BNC2: variants seen among roughly 807,000 people sequenced by gnomAD.
BNC2 encodes the protein zinc finger protein basonuclin-2.
In BNC2, 20 loss-of-function variants were observed where a neutral mutation model predicts 76.3. That is an observed-to-expected ratio of 0.26 (90% CI 0.18 to 0.38). The LOEUF is 0.38. BNC2 is among the 10% of genes least tolerant of loss of function. The pLI, the probability that BNC2 is intolerant of heterozygous loss-of-function variation, is 1.00. For missense variants in BNC2, 1,382 were observed against 1,399.8 expected (o/e 0.99, Z 0.20); for synonymous variants, 582 against 514.8 (o/e 1.13, Z -1.77).
chr9:16,850,217 T>G (rs974742165), intron 1 of BNC2, among the ~76,000 whole-genome samples: 9 of 152,168 alleles, frequency 5.9e-5, no homozygotes, highest in African/African-American at 2.2e-4. Flanking sequence ...AAAAATTCAC[T>G]CTACAGTAGA....
chr9:16,410,610 T>A lies in BNC2; in HGVS notation c.*8379A>T, dbSNP rs1040356926. The A allele has an allele frequency of 6.6e-6, 1 of 152,628 alleles. No homozygotes were observed. Among genetic ancestry groups the A allele is most frequent in the African/African-American group, 2.4e-5 (1 of 41,458 alleles). The allele number at this position is 152,628 out of a possible 1,614,324, so 9.5% of individuals were successfully genotyped here. A position where few individuals can be genotyped will look rare whatever the true frequency, so the allele number is the denominator to read the frequency against. On this transcript the variant is annotated 3_prime_UTR_variant, in exon 7 of 7. Transcript: ENST00000380672. ...ATACTAGAACATCTCATTCACTTAA[T>A]TCACGTTATGCAAACCCTGGACAGG...
chr9:16,468,105 A>C (rs1821734402), intron 5 of BNC2, among the ~76,000 whole-genome samples: 1 of 148,346 alleles, frequency 6.7e-6, no homozygotes, highest in Admixed American at 6.8e-5. Flanking sequence ...CAGTGGCACC[A>C]ACATGGCTCA....
intron 3 of BNC2, among the ~76,000 whole-genome samples, chr9:16,655,179 G>A (rs1482701337): frequency 6.6e-6 from 1 of 151,520 alleles, no homozygotes; most frequent in Non-Finnish European, 1.5e-5. Flanking sequence ...GAAAAAACTG[G>A]GGGAGGGAAA....
At chr9:16,826,452 G>A (rs535818456) in intron 1 of BNC2, among the ~76,000 whole-genome samples, 4 of 152,114 alleles carry the variant, frequency 2.6e-5, no homozygotes, top group South Asian at 2.1e-4. Context: ...ACTGCCATAC[G>A]GAGGTCCACT....
chr9:16,719,416 G>A (rs1824082110), intron 3 of BNC2, among the ~76,000 whole-genome samples: 1 of 152,180 alleles, frequency 6.6e-6, no homozygotes, highest in Non-Finnish European at 1.5e-5. Context: ...TTTTAAGCCA[G>A]CTGAAAGCAA....
rs1338706500 is a variant in BNC2, at chr9:16,476,555, G to A, written c.670-39031C>T. Among the ~76,000 whole-genome samples the A allele has an allele frequency of 2.7e-5, 4 of 147,582 alleles. No individual in the cohort carries two copies. In the East Asian group the frequency reaches 7.9e-4, roughly 29 times the overall value. ...AACTTGCTTTTTAACCCGTGTGTGT[G>A]TGTTGTTTTTTTTAAAAAAAAAAAA... On this transcript the variant is annotated intron_variant, in intron 5 of 6. Transcript: ENST00000380672.
At chr9:16,719,711 A>G (rs975065800) in intron 3 of BNC2, among the ~76,000 whole-genome samples, 2 of 152,232 alleles carry the variant, frequency 1.3e-5, no homozygotes, top group African/African-American at 4.8e-5. Flanking sequence ...TATTAAATAC[A>G]AAACAAGAGT....
Position 16,862,382 on chromosome 9 carries a change from T to C in BNC2, c.3+8264A>G, listed in dbSNP as rs182556422. 9.8e-5 allele frequency among the ~76,000 whole-genome samples: 15 copies of C among 152,320 alleles called. No homozygotes were observed. The East Asian group carries it at 2.1e-3, about 22-fold the overall frequency. On this transcript the variant is annotated intron_variant, in intron 1 of 6. Coordinates refer to ENST00000380672, the MANE Select transcript of BNC2 (RefSeq NM_017637.6). The stretch of plus-strand genomic sequence containing the variant: ...ATAACAGCAAACTGCTATGATTATA[T>C]AGTGTTATATAAAATATGAAATGTA...
intron 5 of BNC2, among the ~76,000 whole-genome samples, chr9:16,456,963 T>A (rs1281667415): frequency 6.6e-6 from 1 of 152,184 alleles, no homozygotes; most frequent in Admixed American, 6.5e-5. Context: ...TTTCTAATTA[T>A]TCAATAGTAG....
At chr9:16,691,079 T>C (rs1019476464) in intron 3 of BNC2, among the ~76,000 whole-genome samples, 6 of 152,148 alleles carry the variant, frequency 3.9e-5, no homozygotes, top group African/African-American at 1.2e-4. Flanking sequence ...TACTGTGAAA[T>C]ATGGGATAAA....
At chr9:16,846,875 CCAATT>C (rs1818995530) in intron 1 of BNC2, among the ~76,000 whole-genome samples, 1 of 152,164 alleles carries the variant, frequency 6.6e-6, no homozygotes, top group Non-Finnish European at 1.5e-5. Flanking sequence ...CCATCAATTT[CCAATT>C]CACAGATGAA....
chr9:16,667,158 A>G (rs1309704709), intron 3 of BNC2, among the ~76,000 whole-genome samples: 2 of 152,042 alleles, frequency 1.3e-5, no homozygotes, highest in African/African-American at 2.4e-5. Flanking sequence ...ACTAGAATAC[A>G]TGTTTTGGTT....
chr9:16,866,045 A>T (rs529888749), intron 1 of BNC2, among the ~76,000 whole-genome samples: 1 of 152,266 alleles, frequency 6.6e-6, no homozygotes, highest in East Asian at 1.9e-4. Flanking sequence ...ATCTCACTGG[A>T]TTATATTATT....
At chr9:16,608,507 T>C (rs1032461837) in intron 3 of BNC2, among the ~76,000 whole-genome samples, 2 of 152,160 alleles carry the variant, frequency 1.3e-5, no homozygotes, top group African/African-American at 4.8e-5. Context: ...TAATCAATTT[T>C]TTAAATTTTG....
At chr9:16,684,083 G>T (rs1228588698) in intron 3 of BNC2, among the ~76,000 whole-genome samples, 1 of 151,930 alleles carries the variant, frequency 6.6e-6, no homozygotes, top group Non-Finnish European at 1.5e-5. Flanking sequence ...GTACTCAATA[G>T]GTTTTTTTTT....
chr9:16,694,491 A>C (rs1293966840), intron 3 of BNC2, among the ~76,000 whole-genome samples: 1 of 152,202 alleles, frequency 6.6e-6, no homozygotes, highest in Admixed American at 6.5e-5. Flanking sequence ...CCCATTTGAC[A>C]TGAGTTAGAC....
intron 3 of BNC2, among the ~76,000 whole-genome samples, chr9:16,592,110 C>T (rs1246891051): frequency 1.3e-5 from 2 of 151,464 alleles, no homozygotes; most frequent in African/African-American, 4.8e-5. Context: ...GTTAACCACC[C>T]CTCCCCTCCC....
At chr9:16,633,030 A>G (rs1179136360) in intron 3 of BNC2, among the ~76,000 whole-genome samples, 1 of 152,208 alleles carries the variant, frequency 6.6e-6, no homozygotes, top group Non-Finnish European at 1.5e-5. Flanking sequence ...TTTAGCATGA[A>G]GAGGAGCCTA....
In BNC2 at chr9:16,582,636, T is replaced by G. The variant is rs185665720; in HGVS notation, c.433+347A>C. 3.4e-3 allele frequency among the ~76,000 whole-genome samples: 520 copies of G among 152,308 alleles called. 3 individuals carry two copies. Among genetic ancestry groups the G allele is most frequent in the African/African-American group, 0.012 (486 of 41,568 alleles). On this transcript the variant is annotated intron_variant, in intron 4 of 6. Coordinates refer to ENST00000380672, the MANE Select transcript of BNC2 (RefSeq NM_017637.6). ...CAAGGAGGATTTGCCAGCTTCCCTCTGAGGTCCAGGCCCTGAAAGGCCAAC... is the reference window on the plus strand; with the variant it reads ...CAAGGAGGATTTGCCAGCTTCCCTCGGAGGTCCAGGCCCTGAAAGGCCAAC...
Sources: allele counts gnomAD v4.1 joint callset (sites outside exome capture counted in the v4.1 genomes callset), GRCh38; gene constraint gnomAD v4.1.1; transcripts MANE v1.5; gene names NCBI Gene and HGNC (gene_info 2026-07-23, HGNC 2026-07-21).